The following SUN3 variants were observed in gnomAD, a reference collection of about 807,000 sequenced individuals.
The protein encoded by SUN3 is Sad1 and UNC84 domain containing 3.
In SUN3, 36 loss-of-function variants were observed where a neutral mutation model predicts 48.2. The observed-to-expected ratio is 0.75, with a 90% CI of 0.57 to 0.99. SUN3 has a LOEUF of 0.99. Ranked by LOEUF, SUN3 falls within the 50% of genes least tolerant of loss-of-function variation. The pLI, the probability that SUN3 is intolerant of heterozygous loss-of-function variation, is 0.00. For synonymous variants in SUN3, 148 were observed against 147.9 expected, an observed-to-expected ratio of 1.00 and a Z score of 0.00; for missense variants, 419 against 433.1, an observed-to-expected ratio of 0.97 and a Z score of 0.29.
intron 6 of SUN3, among the ~76,000 whole-genome samples, chr7:48,004,327 A>T (rs1177464465): frequency 6.6e-6 from 1 of 152,186 alleles, no homozygotes; most frequent in Non-Finnish European, 1.5e-5. Flanking sequence ...ATTACTGTCC[A>T]CTAGGGAATG....
At chr7:48,035,439 C>T in the SUN3 span, 3 of 684,348 alleles carry the variant, frequency 4.4e-6, no homozygotes, top group African/African-American at 5.4e-5. The surrounding 1 kb of genome is among the most constrained non-coding windows in gnomAD (Gnocchi z 4.0). Context: ...CCCCCTCAGG[C>T]TTCCCCTATT....
At chr7:48,028,695 A>T in intron 1 of SUN3, 122 bp downstream of exon 1, 1 of 1,317,316 alleles carries the variant, frequency 7.6e-7, no homozygotes, top group Non-Finnish European at 1.0e-6. Context: ...ATTGAAAATG[A>T]TTTTCTCTAT....
At chr7:48,024,359 T>G (rs1374743412) in intron 2 of SUN3, among the ~76,000 whole-genome samples, 2 of 152,128 alleles carry the variant, frequency 1.3e-5, no homozygotes, top group Non-Finnish European at 2.9e-5. Context: ...AGCAAAAGAC[T>G]TTAATGGACA....
chr7:48,011,693 C>T (rs1173007111), intron 3 of SUN3, among the ~76,000 whole-genome samples: 1 of 152,142 alleles, frequency 6.6e-6, no homozygotes, highest in African/African-American at 2.4e-5. Flanking sequence ...TAAAATATTT[C>T]ACAATTTTAA....
chr7:48,017,525 C>CA (rs1334937673), intron 2 of SUN3, among the ~76,000 whole-genome samples, 160 bp from the exon 3 acceptor site: 3 of 152,028 alleles, frequency 2.0e-5, no homozygotes, highest in Admixed American at 6.6e-5. Context: ...ATAGTACACA[C>CA]AAAAAATCAG....
chr7:48,035,270 C>T, the SUN3 span, among the ~76,000 whole-genome samples: 2 of 152,082 alleles, frequency 1.3e-5, no homozygotes, highest in Non-Finnish European at 2.9e-5. The surrounding 1 kb of genome is among the most constrained non-coding windows in gnomAD (Gnocchi z 4.0). Flanking sequence ...CCCACGCCCC[C>T]ACACCCCTGC....
Position 48,017,295 on chromosome 7 carries a change from A to G in SUN3, c.255T>C (p.Ile85=). 6.2e-7 allele frequency: 1 copy of G among 1,605,928 alleles called. No homozygotes were observed. The highest frequency in any genetic ancestry group is 8.5e-7 in the Non-Finnish European group (1 of 1,174,178). The change falls in exon 3 of 10, where the codon ATT becomes ATC. Residue 85 remains isoleucine (I), a synonymous_variant. Transcript: ENST00000297325. ...TATAAAGCCTTGAACCATATTCTGC[A>G]ATTATGGCATATAATTGTCTGGATT... ...PQKSRQLYAI[I]AEYGSRLYKY...
intron 6 of SUN3, among the ~76,000 whole-genome samples, chr7:47,996,448 G>A (rs2708901): frequency 0.44 from 66,895 of 151,976 alleles, 15,549 homozygotes; most frequent in Non-Finnish European, 0.51. Context: ...ACCTAAAAAC[G>A]TATATAGATC....
intron 4 of SUN3, among the ~76,000 whole-genome samples, chr7:48,007,627 G>A (rs1428084880): frequency 6.6e-6 from 1 of 152,130 alleles, no homozygotes; most frequent in Non-Finnish European, 1.5e-5. Flanking sequence ...TCACACAGGT[G>A]AATCCTAAAT....
intron 3 of SUN3, among the ~76,000 whole-genome samples, chr7:48,016,921 CAG>C (rs1789830313): frequency 6.6e-6 from 1 of 152,152 alleles, no homozygotes; most frequent in South Asian, 2.1e-4. Context: ...ACATGTGAGA[CAG>C]AGAGAGAAAT....
intron 8 of SUN3, among the ~76,000 whole-genome samples, chr7:47,991,708 G>A (rs1243346348): frequency 6.6e-6 from 1 of 152,178 alleles, no homozygotes; most frequent in Non-Finnish European, 1.5e-5. Flanking sequence ...TACTCGGGCT[G>A]TACGTGGACC....
At chr7:48,020,302 G>A (rs1352640025) in intron 2 of SUN3, among the ~76,000 whole-genome samples, 1 of 152,048 alleles carries the variant, frequency 6.6e-6, no homozygotes, top group African/African-American at 2.4e-5. Flanking sequence ...GGTATAGAAG[G>A]AACATACCTC....
In SUN3 at chr7:47,989,848, G is replaced by C. The variant is rs540971004; in HGVS notation, c.862-968C>G. ...TGAAACATGTGCTGTGTCAACTCAA[G>C]GTTAAATGGATTAAGGGCTGTGCAG... is the stretch of plus-strand genomic sequence containing the variant. On this transcript the variant is annotated intron_variant, in intron 8 of 9. Transcript: ENST00000297325. Among the ~76,000 whole-genome samples, 3 of 152,332 alleles carry C rather than the reference G, an allele frequency of 2.0e-5. 1 individual carries two copies. The highest frequency in any genetic ancestry group is 4.8e-5 in the African/African-American group (2 of 41,576).
intron 2 of SUN3, among the ~76,000 whole-genome samples, chr7:48,024,811 T>C (rs374058398): frequency 6.6e-6 from 1 of 152,110 alleles, no homozygotes; most frequent in Non-Finnish European, 1.5e-5. Context: ...CAGGAACTAA[T>C]AGAGTGACAA....
chr7:47,990,729 G>GT (rs1016286809), intron 8 of SUN3, among the ~76,000 whole-genome samples: 4 of 151,698 alleles, frequency 2.6e-5, no homozygotes, highest in Non-Finnish European at 4.4e-5. Flanking sequence ...ACCTTGTTGG[G>GT]TTTTTTTAAG....
At chr7:48,016,876 G>T (rs1320517803) in intron 3 of SUN3, among the ~76,000 whole-genome samples, 3 of 152,194 alleles carry the variant, frequency 2.0e-5, no homozygotes, top group Non-Finnish European at 2.9e-5. Context: ...TGTGATGAGG[G>T]TTCTACCATG....
In SUN3 at chr7:47,994,191, G is replaced by A. The variant is rs1039937120; in HGVS notation, c.861+124C>T. The A allele has an allele frequency of 9.7e-6, 8 of 827,458 alleles. No individual in the cohort carries two copies. The African/African-American group carries it at 1.1e-4, about 11-fold the overall frequency. 51.3% of individuals were successfully genotyped at this position (827,458 alleles called of 1,614,324 possible). On this transcript the variant is annotated intron_variant, in intron 8 of 9. Coordinates refer to ENST00000297325, the MANE Select transcript of SUN3 (RefSeq NM_001030019.2). ...ACTCTCTCTCTTTGTAGGTGAGAAAGCAGAAGTCCAGGAAATAAGTGACAC... is the reference window on the plus strand; with the variant it reads ...ACTCTCTCTCTTTGTAGGTGAGAAAACAGAAGTCCAGGAAATAAGTGACAC...
chr7:48,028,921 C>A lies in SUN3; in HGVS notation c.18G>T (p.Lys6Asn). 6.2e-7 allele frequency: 1 copy of A among 1,613,894 alleles called. No homozygotes were observed. Among genetic ancestry groups the A allele is most frequent in the Non-Finnish European group, 8.5e-7 (1 of 1,179,842 alleles). ...TAAAAAACATGGCAGCCCTTCTTGCCTTTGTTTTTCCACTCATGATCCCCT... is the reference window on the plus strand; with the variant it reads ...TAAAAAACATGGCAGCCCTTCTTGCATTTGTTTTTCCACTCATGATCCCCT... The part of the protein sequence containing the change: MSGKT[K>N]ARRAAMFFRR... The change falls in exon 1 of 10, where the codon AAG becomes AAT. Residue 6 changes from lysine to asparagine, a missense_variant. Coordinates refer to ENST00000297325, the MANE Select transcript of SUN3 (RefSeq NM_001030019.2).
chr7:47,995,456 G>A (rs969887529), intron 7 of SUN3, among the ~76,000 whole-genome samples: 3 of 152,156 alleles, frequency 2.0e-5, no homozygotes, highest in Admixed American at 2.0e-4. Flanking sequence ...AATAAGATCA[G>A]TGGGTTTTAC....
Sources: gnomAD v4.1 joint callset for allele counts (sites outside exome capture counted in the v4.1 genomes callset) on GRCh38, gnomAD v4.1.1 for gene constraint, Gnocchi (gnomAD v3.1) non-coding constraint, MANE v1.5 for transcripts, NCBI Gene and HGNC (gene_info 2026-07-23, HGNC 2026-07-21) for gene names.